The following FAF2 variants were observed in gnomAD, a reference collection of about 807,000 sequenced individuals.
The protein encoded by FAF2 is Fas associated factor family member 2, also known as FAS-associated factor 2.
A neutral mutation model predicts 62.3 loss-of-function variants in FAF2; 9 were observed. The observed-to-expected ratio is 0.14, with a 90% CI of 0.09 to 0.25. The LOEUF (loss-of-function observed/expected upper bound fraction) is 0.25. FAF2 is among the 10% of genes least tolerant of loss of function. FAF2 has a pLI of 1.00. For missense variants in FAF2, 368 were observed against 556.2 expected, an observed-to-expected ratio of 0.66 and a Z score of 3.40; for synonymous variants, 202 against 198.0, an observed-to-expected ratio of 1.02 and a Z score of -0.17.
intron 1 of FAF2, among the ~76,000 whole-genome samples, chr5:176,471,507 T>C (rs1034531704): frequency 6.6e-6 from 1 of 150,512 alleles, no homozygotes; most frequent in East Asian, 2.0e-4. Context: ...CTCAGCCTCC[T>C]GAGTAGCTGG....
chr5:176,463,723 TG>T (rs973954187), intron 1 of FAF2, among the ~76,000 whole-genome samples: 7 of 150,078 alleles, frequency 4.7e-5, no homozygotes, highest in African/African-American at 9.9e-5. Context: ...GGTTATTGCA[TG>T]TTTTTTTTTT....
intron 1 of FAF2, chr5:176,453,559 C>A (rs1331006803): frequency 6.6e-6 from 1 of 151,878 alleles, no homozygotes; most frequent in Non-Finnish European, 1.5e-5. Flanking sequence ...GAAAAAAAAA[C>A]ACATGGTGCT....
intron 1 of FAF2, chr5:176,453,365 G>C (rs1758220488): frequency 6.6e-6 from 1 of 152,124 alleles, no homozygotes. Context: ...AGAGAGAAGG[G>C]GGAATTAAAG....
At chr5:176,475,405 T>C (rs1758671289) in intron 1 of FAF2, among the ~76,000 whole-genome samples, 1 of 152,182 alleles carries the variant, frequency 6.6e-6, no homozygotes, top group South Asian at 2.1e-4. Context: ...GTGCTAGGAT[T>C]GCAGGTGTGA....
At chr5:176,453,974 T>C (rs1581466520) in intron 1 of FAF2, among the ~76,000 whole-genome samples, 1 of 151,396 alleles carries the variant, frequency 6.6e-6, no homozygotes, top group Middle Eastern at 3.4e-3. Context: ...GAGAATTGCT[T>C]GAACCCAGGA....
intron 1 of FAF2, among the ~76,000 whole-genome samples, chr5:176,468,532 C>T (rs1322291667): frequency 1.3e-5 from 2 of 151,830 alleles, no homozygotes; most frequent in Non-Finnish European, 2.9e-5. Flanking sequence ...TGCAGTGAGC[C>T]GAGATCACGC....
rs3217316 is a variant in FAF2 at position 176,494,149 on chromosome 5, AGTT to A, written c.570-31_570-29del. On this transcript the variant is annotated intron_variant, in intron 6 of 10. Coordinates refer to ENST00000261942, the MANE Select transcript of FAF2 (RefSeq NM_014613.3). The surrounding 1 kb of genome is among the most constrained non-coding windows in gnomAD (Gnocchi z 4.0). ...TTCTGGTGACAGTTTATAGTCAGCA[AGTT>A]GTTCTCATATCCTTTTCATACCTTT... is the stretch of plus-strand genomic sequence containing the variant. The A allele has an allele frequency of 0.1, 162,168 of 1,609,938 alleles. 10,782 individuals are homozygous for A. The highest frequency in any genetic ancestry group is 0.27 in the East Asian group (11,936 of 44,816).
intron 8 of FAF2, among the ~76,000 whole-genome samples, chr5:176,497,908 G>A (rs920184938): frequency 1.4e-4 from 22 of 152,188 alleles, no homozygotes; most frequent in East Asian, 3.9e-4. Flanking sequence ...CGAGCATTTC[G>A]GGAGGCTGAG....
At chr5:176,465,494 A>T (rs552562864) in intron 1 of FAF2, among the ~76,000 whole-genome samples, 370 of 149,686 alleles carry the variant, frequency 2.5e-3, no homozygotes, top group Non-Finnish European at 4.3e-3. Context: ...CAACCTCTTG[A>T]GTAGCTGAGA....
intron 10 of FAF2, among the ~76,000 whole-genome samples, chr5:176,504,589 A>G (rs1189911273): frequency 6.6e-6 from 1 of 152,098 alleles, no homozygotes; most frequent in African/African-American, 2.4e-5. Flanking sequence ...ATCTCAAAAA[A>G]AAAAGGTATT....
chr5:176,489,464 C>G (rs879278432), intron 4 of FAF2, among the ~76,000 whole-genome samples: 2 of 152,116 alleles, frequency 1.3e-5, no homozygotes, highest in Admixed American at 1.3e-4. Flanking sequence ...CTGAGATTAC[C>G]CAGTTTGCCC....
intron 10 of FAF2, among the ~76,000 whole-genome samples, chr5:176,504,062 G>A (rs1006344543): frequency 9.2e-5 from 14 of 151,886 alleles, no homozygotes; most frequent in African/African-American, 2.9e-4. Context: ...AGCCGAGATC[G>A]TGCCACTGTA....
At chr5:176,501,008 T>TC (rs1755581408) in intron 10 of FAF2, among the ~76,000 whole-genome samples, 1 of 151,960 alleles carries the variant, frequency 6.6e-6, no homozygotes, top group Non-Finnish European at 1.5e-5. Context: ...GTGCCTGTAA[T>TC]CCCAGCTACT....
At chr5:176,497,842 T>A (rs981497334) in intron 8 of FAF2, among the ~76,000 whole-genome samples, 8 of 152,132 alleles carry the variant, frequency 5.3e-5, no homozygotes, top group Non-Finnish European at 1.0e-4. Context: ...GACATGCTTG[T>A]TACATATTAG....
chr5:176,505,824 C>CAT (rs533956963), intron 10 of FAF2, among the ~76,000 whole-genome samples: 12 of 152,034 alleles, frequency 7.9e-5, no homozygotes, highest in East Asian at 3.9e-4. Flanking sequence ...AGTATTCCAT[C>CAT]ATATATATAT....
intron 1 of FAF2, among the ~76,000 whole-genome samples, chr5:176,464,289 GT>G (rs990317869): frequency 1.3e-5 from 2 of 151,726 alleles, no homozygotes; most frequent in African/African-American, 2.4e-5. Flanking sequence ...ATTGTGGGGG[GT>G]TTTTTTGGAA....
intron 1 of FAF2, among the ~76,000 whole-genome samples, chr5:176,458,390 ATAT>A (rs1336070532): frequency 8.6e-6 from 1 of 116,534 alleles, no homozygotes; most frequent in Non-Finnish European, 1.7e-5. Flanking sequence ...CCTCAGAATA[ATAT>A]TTTTCTTTTT....
chr5:176,496,596 C>T lies in FAF2; in HGVS notation c.772C>T (p.Leu258Phe). Residue 258 changes from leucine (L) to phenylalanine (F), a missense_variant, in exon 8 of 11, where the codon CTC (leucine) becomes TTC (phenylalanine). Physicochemically the swap from Leu to Phe is conservative, Grantham distance 22. Around this residue, in one of 2 missense-constraint regions of FAF2, gnomAD observed 331 missense variants for 441.9 expected, o/e 0.75. Coordinates refer to ENST00000261942, the MANE Select transcript of FAF2 (RefSeq NM_014613.3). ...RLEGLIQPDD[L>F]INQLTFIMDA... ...AGAAGGCCTCATTCAACCTGATGAC[C>T]TCATTAACCAACTGACATTTATCAT... 6.2e-7 allele frequency: 1 copy of T among 1,612,114 alleles called. No individual in the cohort carries two copies. Among genetic ancestry groups the T allele is most frequent in the Non-Finnish European group, 8.5e-7 (1 of 1,179,110 alleles).
rs1334390512 is a variant in FAF2 at position 176,507,860 on chromosome 5, T to A, written c.*910T>A. On this transcript the variant is annotated 3_prime_UTR_variant, in exon 11 of 11. Coordinates refer to ENST00000261942, the MANE Select transcript of FAF2 (RefSeq NM_014613.3). ...CCTTGGAGTCTGTACCAGGTGGTGGTTATGGGGTCTGAACCAAAGGATAGC... is the reference window on the plus strand; with the variant it reads ...CCTTGGAGTCTGTACCAGGTGGTGGATATGGGGTCTGAACCAAAGGATAGC... 6.5e-6 allele frequency: 1 copy of A among 152,754 alleles called. No individual in the cohort carries two copies. Among genetic ancestry groups the A allele is most frequent in the East Asian group, 1.9e-4 (1 of 5,192 alleles). The allele number at this position is 152,754 out of a possible 1,614,324, so 9.5% of individuals were successfully genotyped here.
Sources: gnomAD v4.1 joint callset for allele counts (sites outside exome capture counted in the v4.1 genomes callset) on GRCh38, gnomAD v4.1.1 for gene constraint, gnomAD v4.1.1 regional missense constraint, Gnocchi (gnomAD v3.1) non-coding constraint, MANE v1.5 for transcripts, NCBI Gene and HGNC (gene_info 2026-07-23, HGNC 2026-07-21) for gene names.